EFNA1: variants seen among roughly 807,000 people sequenced by gnomAD.
EFNA1 encodes the protein ephrin-A1.
Under a neutral mutation model 23.2 loss-of-function variants are expected in EFNA1, and 8 were observed. The observed-to-expected ratio is 0.34, with a 90% confidence interval of 0.20 to 0.62. The LOEUF (loss-of-function observed/expected upper bound fraction) is 0.62, where lower values mean the gene tolerates loss of function less well. Among genes scored for constraint, EFNA1 ranks in the 20% least tolerant of loss-of-function variants. The pLI is 0.75. For missense variants in EFNA1, 217 were observed against 260.0 expected (o/e 0.83, Z 1.14); for synonymous variants, 89 against 98.6 (o/e 0.90, Z 0.58).
intron 2 of EFNA1, among the ~76,000 whole-genome samples, chr1:155,132,546 C>T (rs1302411023): frequency 6.6e-6 from 1 of 151,366 alleles, no homozygotes; most frequent in Non-Finnish European, 1.5e-5. Flanking sequence ...CCGCGCATGG[C>T]CTGATGGATT....
intron 1 of EFNA1, among the ~76,000 whole-genome samples, chr1:155,129,316 G>A (rs958207350): frequency 6.6e-6 from 1 of 152,244 alleles, no homozygotes; most frequent in East Asian, 1.9e-4. Flanking sequence ...CATGAGTAGG[G>A]AGGGGGGGAC....
At position 155,134,564 on chromosome 1, in the gene EFNA1, C is replaced by G. The variant is rs946257759; in HGVS notation, c.*497C>G. 4 of 190,258 alleles carry G rather than the reference C, an allele frequency of 2.1e-5. No homozygotes were observed. Among genetic ancestry groups the G allele is most frequent in the Non-Finnish European group, 4.5e-5 (4 of 89,792 alleles). 11.8% of individuals were successfully genotyped at this position (190,258 alleles called of 1,614,324 possible). A position where few individuals can be genotyped will look rare whatever the true frequency, so the allele number is the denominator to read the frequency against. On this transcript the variant is annotated 3_prime_UTR_variant, in exon 5 of 5. Coordinates refer to ENST00000368407, the MANE Select transcript of EFNA1 (RefSeq NM_004428.3). ...CTGACCCAGCATCTCCCAGCAAGAC[C>G]TCATCTGTGGAGCTGCCACAGAGAA...
intron 2 of EFNA1, among the ~76,000 whole-genome samples, chr1:155,132,191 G>C (rs1210817059): frequency 2.0e-5 from 3 of 152,114 alleles, no homozygotes; most frequent in Non-Finnish European, 4.4e-5. Context: ...GTGATAAGGA[G>C]TTTGGACTTT....
intron 1 of EFNA1, among the ~76,000 whole-genome samples, chr1:155,129,137 A>G (rs1339179927): frequency 6.6e-6 from 1 of 152,150 alleles, no homozygotes; most frequent in African/African-American, 2.4e-5. Flanking sequence ...CCAGAGGGCA[A>G]TGCCCTCCTG....
chr1:155,128,260 C>A (rs1571682547), intron 1 of EFNA1, among the ~76,000 whole-genome samples, 191 bp downstream of exon 1: 1 of 152,160 alleles, frequency 6.6e-6, no homozygotes, highest in Non-Finnish European at 1.5e-5. Context: ...CTTGTGTCTA[C>A]TTGCATGGGC....
Position 155,133,585 on chromosome 1 carries a change from T to TG in EFNA1, c.454+18dup. The TG allele has an allele frequency of 6.2e-7, 1 of 1,613,744 alleles. No homozygotes were observed. Among genetic ancestry groups the TG allele is most frequent in the Non-Finnish European group, 8.5e-7 (1 of 1,179,872 alleles). ...GCAAAATCAGTGAGTGTCAGAGCCC[T>TG]GTGGGCCTCCTTCCTCCATCTCTAT... On this transcript the variant is annotated intron_variant, in intron 3 of 4. Coordinates refer to ENST00000368407, the MANE Select transcript of EFNA1 (RefSeq NM_004428.3).
At chr1:155,129,199 C>G (rs1287886240) in intron 1 of EFNA1, among the ~76,000 whole-genome samples, 4 of 152,166 alleles carry the variant, frequency 2.6e-5, no homozygotes, top group Non-Finnish European at 2.9e-5. Flanking sequence ...GCTCCCTGTG[C>G]TTTGCCTCCT....
intron 2 of EFNA1, among the ~76,000 whole-genome samples, chr1:155,133,072 G>A (rs1018310841): frequency 6.6e-6 from 1 of 151,836 alleles, no homozygotes; most frequent in African/African-American, 2.4e-5. Context: ...CACCATGCCC[G>A]GCTAATTTTT....
Position 155,133,730 on chromosome 1 carries a change from C to A in EFNA1, c.455C>A (p.Thr152Asn). ...RLKVTVSGKI[T>N]HSPQAHDNPQ... ...ATCTACTACCACTCTTGTCTTTCAG[C>A]TCACAGTCCTCAGGCCCATGACAAT... Residue 152 changes from threonine to asparagine, a missense_variant and splice_region_variant, in exon 4 of 5, where the codon ACT becomes AAT. Physicochemically the swap from Thr to Asn is moderately conservative, Grantham distance 65. Coordinates refer to ENST00000368407, the MANE Select transcript of EFNA1 (RefSeq NM_004428.3). 1 of 1,614,122 alleles carries A rather than the reference C, an allele frequency of 6.2e-7. No homozygotes were observed. The highest frequency in any genetic ancestry group is 8.5e-7 in the Non-Finnish European group (1 of 1,179,998).
rs1357900845 is a variant in EFNA1, at chr1:155,131,525, C to G, written c.279C>G (p.Asn93Lys). ...QSKDQVRWQCNRPSAKHGPEK... is the reference protein window; with the variant it reads ...QSKDQVRWQCKRPSAKHGPEK... ...AGGACCAAGTCCGCTGGCAGTGCAA[C>G]CGGCCCAGTGCCAAGCATGGCCCGG... Residue 93 changes from asparagine to lysine, a missense_variant, in exon 2 of 5, where the codon AAC becomes AAG. Transcript: ENST00000368407. 12 of 1,613,692 alleles carry G rather than the reference C, an allele frequency of 7.4e-6. No individual in the cohort carries two copies. The highest frequency in any genetic ancestry group is 9.3e-6 in the Non-Finnish European group (11 of 1,179,862).
intron 3 of EFNA1, 26 bp from the exon 4 acceptor site, chr1:155,133,704 G>T (rs373741097): frequency 6.2e-7 from 1 of 1,613,624 alleles, no homozygotes; most frequent in South Asian, 1.1e-5. Flanking sequence ...TACAGTACCT[G>T]ATCTACTACC....
At position 155,131,463 on chromosome 1, in the gene EFNA1, G is replaced by A. The variant is rs551006267; in HGVS notation, c.217G>A (p.Glu73Lys). The A allele has an allele frequency of 6.2e-7, 1 of 1,614,008 alleles. No homozygotes were observed. Among genetic ancestry groups the A allele is most frequent in the African/African-American group, 1.3e-5 (1 of 75,044 alleles). Reference sequence around the variant, plus strand: ...GGAGCAGTACATACTGTACCTGGTGGAGCATGAGGAGTACCAGCTGTGCCA... The same window carrying A: ...GGAGCAGTACATACTGTACCTGGTGAAGCATGAGGAGTACCAGCTGTGCCA... ...AMEQYILYLVEHEEYQLCQPQ... is the reference protein window; with the variant it reads ...AMEQYILYLVKHEEYQLCQPQ... The change falls in exon 2 of 5, where the codon GAG (glutamate) becomes AAG (lysine). Residue 73 changes from glutamate (E) to lysine (K), a missense_variant. Glu to Lys is a moderately conservative substitution (Grantham distance 56). Coordinates refer to ENST00000368407, the MANE Select transcript of EFNA1 (RefSeq NM_004428.3).
Position 155,131,344 on chromosome 1 carries a change from G to C in EFNA1, c.98G>C (p.Arg33Pro). 1 of 1,600,912 alleles carries C rather than the reference G, an allele frequency of 6.2e-7. No individual in the cohort carries two copies. The highest frequency in any genetic ancestry group is 1.1e-5 in the South Asian group (1 of 90,870). Residue 33 changes from arginine (R) to proline (P), a missense_variant, in exon 2 of 5, where the codon CGG becomes CCG. By Grantham distance (103) the Arg-to-Pro change is moderately radical (BLOSUM62 -2). Transcript: ENST00000368407. ...CCCCCTGTGTGTGTCCCCAGGTTCC[G>C]GAATGAGGACTACACCATACATGTG... Reference protein sequence around the residue: ...VFWNSSNPKFRNEDYTIHVQL... With the variant: ...VFWNSSNPKFPNEDYTIHVQL...
At chr1:155,131,241 G>C in intron 1 of EFNA1, 98 bp from the exon 2 acceptor site, 1 of 1,464,314 alleles carries the variant, frequency 6.8e-7, no homozygotes, top group Non-Finnish European at 9.2e-7. Flanking sequence ...TTGGGGTCCA[G>C]TGTGAAATGT....
Position 155,128,052 on chromosome 1 carries a change from G to T in EFNA1, c.75G>T (p.Trp25Cys). The change falls in exon 1 of 5, where the codon TGG (tryptophan) becomes TGT (cysteine). Residue 25 changes from tryptophan to cysteine, a missense_variant. Physicochemically the swap from Trp to Cys is radical, Grantham distance 215 (BLOSUM62 -2). Transcript: ENST00000368407. ...LAAADRHTVF[W>C]NSSNPKFRNE... ...CTGCTGATCGCCACACCGTCTTCTG[G>T]AACAGTTCAAATCCCAAGTAAGCCT... The T allele has an allele frequency of 6.2e-7, 1 of 1,613,722 alleles. No homozygotes were observed.
Position 155,133,486 on chromosome 1 carries a change from G to A in EFNA1, c.389-17G>A, listed in dbSNP as rs1321833582. The A allele has an allele frequency of 1.2e-6, 2 of 1,614,150 alleles. No homozygotes were observed. The highest frequency in any genetic ancestry group is 1.1e-5 in the South Asian group (1 of 91,088). On this transcript the variant is annotated splice_polypyrimidine_tract_variant and intron_variant, in intron 2 of 4. Transcript: ENST00000368407. ...AGCAAAGGTTTCTTATTTAACCCCT[G>A]TGGGCTTATCTTGCAGCCAAACCCA...
intron 1 of EFNA1, among the ~76,000 whole-genome samples, chr1:155,128,347 G>A (rs1557784854): frequency 6.6e-6 from 1 of 152,012 alleles, no homozygotes; most frequent in South Asian, 2.1e-4. Flanking sequence ...GGCAGTTCCT[G>A]CCTTCAGCAT....
At chr1:155,132,936 A>T (rs1412395860) in intron 2 of EFNA1, among the ~76,000 whole-genome samples, 2 of 151,800 alleles carry the variant, frequency 1.3e-5, no homozygotes, top group African/African-American at 4.8e-5. Context: ...TCTGAGACAG[A>T]GTCTCGCTCT....
At chr1:155,131,219 C>G (rs1380894358) in intron 1 of EFNA1, 120 bp from the exon 2 acceptor site, 2 of 1,416,490 alleles carry the variant, frequency 1.4e-6, no homozygotes, top group African/African-American at 1.4e-5. Context: ...GTTGAAACTT[C>G]GGAAAAATCT....
Sources: gnomAD v4.1 joint callset for allele counts (sites outside exome capture counted in the v4.1 genomes callset) on GRCh38, gnomAD v4.1.1 for gene constraint, MANE v1.5 for transcripts, NCBI Gene and HGNC (gene_info 2026-07-23, HGNC 2026-07-21) for gene names.